The following WRN variants were observed in gnomAD, a reference collection of about 807,000 sequenced individuals.
WRN encodes WRN RecQ like helicase.
WRN carries 149 observed loss-of-function variants against 180.7 expected under a neutral mutation model. The observed-to-expected ratio is 0.82, with a 90% CI of 0.72 to 0.94. The LOEUF (loss-of-function observed/expected upper bound fraction) is 0.94, where lower values mean the gene tolerates loss of function less well. WRN is among the 40% of genes least tolerant of loss of function. The pLI, the probability that WRN is intolerant of heterozygous loss-of-function variation, is 0.00. For missense variants in WRN, 1,661 were observed against 1,700.1 expected (o/e 0.98, Z 0.40); for synonymous variants, 548 against 568.9 (o/e 0.96, Z 0.52).
chr8:31,158,007 T>TGTGA (rs760578210), intron 33 of WRN, among the ~76,000 whole-genome samples: 1 of 152,150 alleles, frequency 6.6e-6, no homozygotes, highest in African/African-American at 2.4e-5. Context: ...CGATTACAGG[T>TGTGA]GTGAGCCATG....
chr8:31,157,657 T>C, intron 33 of WRN, 127 bp downstream of exon 33: 3 of 1,310,520 alleles, frequency 2.3e-6, no homozygotes, highest in Non-Finnish European at 3.2e-6. Flanking sequence ...TTTGTGATTC[T>C]TTTTCTTGTT....
At chr8:31,085,372 G>T (rs1307049770) in intron 11 of WRN, 126 bp downstream of exon 11, 2 of 1,020,984 alleles carry the variant, frequency 2.0e-6, no homozygotes, top group East Asian at 2.7e-5. Flanking sequence ...TGTAACATTA[G>T]ATTTCACATT....
chr8:31,081,373 G>A, intron 9 of WRN, 77 bp downstream of exon 9: 1 of 1,496,936 alleles, frequency 6.7e-7, no homozygotes, highest in Non-Finnish European at 9.2e-7. Flanking sequence ...GAGACAGATA[G>A]TAAATATTTT....
In WRN at chr8:31,090,534, T is replaced by C; in HGVS notation, c.1720+2T>C. On this transcript the variant is annotated splice_donor_variant, in intron 14 of 34. Coordinates refer to ENST00000298139, the MANE Select transcript of WRN (RefSeq NM_000553.6). LOFTEE classifies it high-confidence loss of function. ...ATAATGTTGCTGTCATGGCAACTGGTAAGTTGTACTTAAGCAAAACCTAAT... is the reference window on the plus strand; with the variant it reads ...ATAATGTTGCTGTCATGGCAACTGGCAAGTTGTACTTAAGCAAAACCTAAT... 1.2e-6 allele frequency: 2 copies of C among 1,611,432 alleles called. No homozygotes were observed. Among genetic ancestry groups the C allele is most frequent in the Non-Finnish European group, 1.7e-6 (2 of 1,178,074 alleles).
At chr8:31,158,538 C>T (rs926332359) in intron 33 of WRN, among the ~76,000 whole-genome samples, 1 of 151,974 alleles carries the variant, frequency 6.6e-6, no homozygotes, top group African/African-American at 2.4e-5. Flanking sequence ...AGAGCAGTGG[C>T]CATACCAATA....
rs1472046605 is a variant in WRN, at chr8:31,141,758, G to A, written c.3216G>A (p.Lys1072=). 2 of 1,613,922 alleles carry A rather than the reference G, an allele frequency of 1.2e-6. No individual in the cohort carries two copies. The highest frequency in any genetic ancestry group is 2.7e-5 in the African/African-American group (2 of 74,920). The part of the protein sequence containing the change: ...ILQANEELCP[K]KLLLPSSKTV... ...AAGCTAATGAAGAATTGTGTCCAAA[G>A]AAGTTGCTTCTGCCTAGGTTCATTT... The change falls in exon 26 of 35, where the codon AAG becomes AAA. Residue 1072 remains lysine (K), a synonymous_variant. Coordinates refer to ENST00000298139, the MANE Select transcript of WRN (RefSeq NM_000553.6).
intron 27 of WRN, among the ~76,000 whole-genome samples, chr8:31,143,024 GACAC>G (rs10529735): frequency 0.066 from 9,000 of 136,538 alleles, 285 homozygotes; most frequent in South Asian, 0.095. Context: ...TCTTATTAAA[GACAC>G]ACACACACAC....
In WRN at chr8:31,087,717, G is replaced by A. The variant is rs1585436524; in HGVS notation, c.1432-59G>A. On this transcript the variant is annotated intron_variant, in intron 11 of 34. Coordinates refer to ENST00000298139, the MANE Select transcript of WRN (RefSeq NM_000553.6). Reference sequence around the variant, plus strand: ...GTTAATAATAGTCCTTTTGTGTTTGGTGAAAAAGATACGACACTGTCAGTG... The same window carrying A: ...GTTAATAATAGTCCTTTTGTGTTTGATGAAAAAGATACGACACTGTCAGTG... The A allele has an allele frequency of 2.6e-6, 4 of 1,555,978 alleles. No homozygotes were observed. The East Asian group carries it at 9.0e-5, about 35-fold the overall frequency.
rs2130344269 is a variant in WRN at position 31,124,903 on chromosome 8, G to T, written c.2733-5G>T. The T allele has an allele frequency of 6.2e-7, 1 of 1,611,948 alleles. No individual in the cohort carries two copies. Among genetic ancestry groups the T allele is most frequent in the South Asian group, 1.1e-5 (1 of 90,728 alleles). ...TTATTTAATTTAAAATTTTGTCTTG[G>T]GTAGAATCATCTTGTCTCATTTTGA... On this transcript the variant is annotated splice_polypyrimidine_tract_variant and splice_region_variant and intron_variant, in intron 22 of 34. Coordinates refer to ENST00000298139, the MANE Select transcript of WRN (RefSeq NM_000553.6).
chr8:31,077,407 A>ATT lies in WRN; in HGVS notation c.839+1129_839+1130dup, dbSNP rs5890551. 1.3e-4 allele frequency among the ~76,000 whole-genome samples: 19 copies of ATT among 150,144 alleles called. No individual in the cohort carries two copies. In the East Asian group the frequency reaches 2.2e-3, roughly 17 times the overall value. ...CGGCGCCCGCCACCCCACCTGGCTAATTTTTTTTTTATTTTTAGTAGAGAC... is the reference window on the plus strand; with the variant it reads ...CGGCGCCCGCCACCCCACCTGGCTAATTTTTTTTTTTTATTTTTAGTAGAGAC... On this transcript the variant is annotated intron_variant, in intron 8 of 34. Transcript: ENST00000298139.
chr8:31,049,711 T>C (rs1812015227), intron 1 of WRN, among the ~76,000 whole-genome samples: 1 of 152,094 alleles, frequency 6.6e-6, no homozygotes, highest in Admixed American at 6.6e-5. Flanking sequence ...ATCTAATTCA[T>C]ATGGATTTGC....
rs1803011649 is a variant in WRN at position 31,149,453 on chromosome 8, GTGTTTTTTTTTTT to G, written c.3573-886_3573-874del. Among the ~76,000 whole-genome samples, 4 of 91,004 alleles carry G rather than the reference GTGTTTTTTTTTTT, an allele frequency of 4.4e-5. No individual in the cohort carries two copies. The Admixed American group carries it at 5.9e-4, about 14-fold the overall frequency. The allele number at this position is 91,004 out of a possible 152,430, so 59.7% of individuals were successfully genotyped here. The stretch of plus-strand genomic sequence containing the variant: ...ATTCTAAGACCATACTTTAATAGAG[GTGTTTTTTTTTTT>G]TTTTTTTTTTTTTTTTTTTTTTTTT... On this transcript the variant is annotated intron_variant, in intron 30 of 34. Coordinates refer to ENST00000298139, the MANE Select transcript of WRN (RefSeq NM_000553.6).
At chr8:31,084,969 T>C (rs1813468259) in intron 10 of WRN, among the ~76,000 whole-genome samples, 197 bp from the exon 11 acceptor site, 1 of 152,090 alleles carries the variant, frequency 6.6e-6, no homozygotes, top group Non-Finnish European at 1.5e-5. Flanking sequence ...TCTTTCTCTT[T>C]GGTTCTTTGT....
chr8:31,141,690 T>C lies in WRN; in HGVS notation c.3148T>C (p.Trp1050Arg), dbSNP rs777537726. The C allele has an allele frequency of 6.2e-7, 1 of 1,614,190 alleles. No individual in the cohort carries two copies. Among genetic ancestry groups the C allele is most frequent in the Non-Finnish European group, 8.5e-7 (1 of 1,180,016 alleles). Residue 1050 changes from tryptophan (W) to arginine (R), a missense_variant, in exon 26 of 35, where the codon TGG (tryptophan) becomes CGG (arginine). Around this residue, in one of 3 missense-constraint regions of WRN, gnomAD observed 1,141 missense variants for 1,149.4 expected, o/e 0.99. Transcript: ENST00000298139. ...TTTTTGCTTTTAATAGGGTAGAAAT[T>C]GGCTTCATAAAGCTAATACAGAATC... is the stretch of plus-strand genomic sequence containing the variant. Reference protein sequence around the residue: ...ICALTKKGRNWLHKANTESQS... With the variant: ...ICALTKKGRNRLHKANTESQS...
chr8:31,141,361 G>A, intron 24 of WRN, 69 bp from the exon 25 acceptor site: 2 of 1,581,114 alleles, frequency 1.3e-6, no homozygotes, highest in East Asian at 4.5e-5. Flanking sequence ...CAATAGACAA[G>A]TCTGTGTTTT....
chr8:31,067,917 G>A (rs1035312598), intron 6 of WRN, among the ~76,000 whole-genome samples: 7 of 152,002 alleles, frequency 4.6e-5, no homozygotes, highest in African/African-American at 9.7e-5. Flanking sequence ...AAAAGATACC[G>A]CCAAACTTGA....
intron 27 of WRN, 95 bp downstream of exon 27, chr8:31,142,796 G>GA: frequency 8.8e-7 from 1 of 1,142,750 alleles, no homozygotes; most frequent in South Asian, 1.5e-5. Flanking sequence ...CAATTAAAGA[G>GA]AAAATGGCAT....
At chr8:31,091,152 A>C (rs1254843254) in intron 15 of WRN, among the ~76,000 whole-genome samples, 1 of 152,138 alleles carries the variant, frequency 6.6e-6, no homozygotes, top group Non-Finnish European at 1.5e-5. Context: ...GGTGGCCCTG[A>C]TAAAATTTTT....
chr8:31,088,973 TA>T lies in WRN; in HGVS notation c.1652+10del. 6.2e-7 allele frequency: 1 copy of T among 1,602,844 alleles called. No individual in the cohort carries two copies. ...CCATTCCAGTTTTAAACCGTGAGTA[TA>T]ATCTCATTTAATCAAATCACATATT... On this transcript the variant is annotated intron_variant, in intron 13 of 34. Coordinates refer to ENST00000298139, the MANE Select transcript of WRN (RefSeq NM_000553.6).
Sources: gnomAD v4.1 joint callset for allele counts (sites outside exome capture counted in the v4.1 genomes callset) on GRCh38, gnomAD v4.1.1 for gene constraint, gnomAD v4.1.1 regional missense constraint, MANE v1.5 for transcripts, NCBI Gene and HGNC (gene_info 2026-07-23, HGNC 2026-07-21) for gene names.